SOX5: variants seen among roughly 807,000 people sequenced by gnomAD.
The protein encoded by SOX5 is SRY-box transcription factor 5, also known as transcription factor SOX-5.
SOX5 carries 9 observed loss-of-function variants against 92.0 expected under a neutral mutation model. The observed-to-expected ratio is 0.10, with a 90% confidence interval of 0.06 to 0.17. The LOEUF (loss-of-function observed/expected upper bound fraction) is 0.17, where lower values mean the gene tolerates loss of function less well. SOX5 is among the 10% of genes least tolerant of loss of function. The pLI is 1.00. For synonymous variants in SOX5, 344 were observed against 336.3 expected (o/e 1.02, Z -0.25); for missense variants, 642 against 944.5 (o/e 0.68, Z 4.20).
At chr12:24,419,720 G>A (rs1965617648) in intron 1 of SOX5, among the ~76,000 whole-genome samples, 2 of 152,144 alleles carry the variant, frequency 1.3e-5, no homozygotes, top group South Asian at 4.1e-4. Context: ...TTTAACCACA[G>A]AATGTATACA....
At chr12:23,895,208 C>CA (rs33970684) in intron 2 of SOX5, among the ~76,000 whole-genome samples, 6,615 of 90,540 alleles carry the variant, frequency 0.073, 483 homozygotes, top group African/African-American at 0.19. Context: ...GAATAGGATG[C>CA]AAAAAAAAAA....
chr12:24,002,749 G>C (rs1951734537), intron 4 of SOX5, among the ~76,000 whole-genome samples: 1 of 152,012 alleles, frequency 6.6e-6, no homozygotes, highest in Non-Finnish European at 1.5e-5. Flanking sequence ...TTATCATTTA[G>C]AGAGGAAACA....
Position 23,835,897 on chromosome 12 carries a change from T to C in SOX5, c.481+10086A>G, listed in dbSNP as rs557270795. Among the ~76,000 whole-genome samples the C allele has an allele frequency of 9.9e-5, 15 of 151,846 alleles. No individual in the cohort carries two copies. The South Asian group carries it at 2.7e-3, about 27-fold the overall frequency. Reference sequence around the variant, plus strand: ...CAGTTGCCTCATCTGGAAATGGAGATAATAGGAATGAGGATATTGAGATCA... The same window carrying C: ...CAGTTGCCTCATCTGGAAATGGAGACAATAGGAATGAGGATATTGAGATCA... On this transcript the variant is annotated intron_variant, in intron 3 of 14. Coordinates refer to ENST00000451604, the MANE Select transcript of SOX5 (RefSeq NM_006940.6).
intron 3 of SOX5, among the ~76,000 whole-genome samples, chr12:23,792,877 T>C (rs2095501855): frequency 6.6e-6 from 1 of 152,120 alleles, no homozygotes; most frequent in African/African-American, 2.4e-5. Context: ...AATCAGTGAC[T>C]AGTTGAAGAC....
intron 1 of SOX5, among the ~76,000 whole-genome samples, chr12:24,375,702 C>A (rs867914939): frequency 6.8e-6 from 1 of 146,836 alleles, no homozygotes. Context: ...CGCCATTGCA[C>A]TCCAGCCTAG....
chr12:23,807,913 G>A (rs904414925), intron 3 of SOX5, among the ~76,000 whole-genome samples: 3 of 152,058 alleles, frequency 2.0e-5, no homozygotes, highest in South Asian at 2.1e-4. Context: ...CTCACAAAGC[G>A]TTGGGATTAC....
rs1307392236 is a variant in SOX5 at position 24,360,864 on chromosome 12, T to C, written c.-174+7699A>G. On this transcript the variant is annotated intron_variant, in intron 2 of 4. Transcript: ENST00000446891. ...CTAACTACTGATTATTGTTTATACA[T>C]TTATCAAAACCAAAATGATAAAGTG... Among the ~76,000 whole-genome samples the C allele has an allele frequency of 2.6e-5, 4 of 152,206 alleles. No individual in the cohort carries two copies. In the East Asian group the frequency reaches 7.7e-4, roughly 29 times the overall value.
At chr12:23,918,456 TTAAC>T (rs2097442148) in intron 1 of SOX5, among the ~76,000 whole-genome samples, 1 of 152,206 alleles carries the variant, frequency 6.6e-6, no homozygotes, top group African/African-American at 2.4e-5. Context: ...TATTTTAGGA[TTAAC>T]TAAAAATGAG....
intron 2 of SOX5, among the ~76,000 whole-genome samples, chr12:24,330,710 G>T (rs61909952): frequency 0.067 from 10,244 of 152,266 alleles, 489 homozygotes; most frequent in South Asian, 0.14. Context: ...GACATGACAA[G>T]CATATGTTTT....
At chr12:23,664,136 T>A (rs2083447937) in intron 7 of SOX5, among the ~76,000 whole-genome samples, 1 of 152,136 alleles carries the variant, frequency 6.6e-6, no homozygotes, top group South Asian at 2.1e-4. Context: ...TACAACCCAT[T>A]TCTTCAATAC....
intron 4 of SOX5, among the ~76,000 whole-genome samples, chr12:24,157,176 G>A (rs546965884): frequency 2.6e-5 from 4 of 151,794 alleles, no homozygotes; most frequent in Admixed American, 6.6e-5. Context: ...CTATGGTATC[G>A]TGGCATTCCT....
intron 4 of SOX5, among the ~76,000 whole-genome samples, chr12:24,050,679 A>C (rs771472436): frequency 5.3e-5 from 8 of 152,206 alleles, no homozygotes; most frequent in Admixed American, 3.9e-4. Flanking sequence ...TTATGTATGC[A>C]TGCCTGCTCA....
chr12:24,406,859 AAATT>A (rs1596347746), intron 1 of SOX5, among the ~76,000 whole-genome samples: 1 of 152,228 alleles, frequency 6.6e-6, no homozygotes, highest in African/African-American at 2.4e-5. Flanking sequence ...GATGAAAAAT[AAATT>A]GTGTTTTGAT....
At chr12:24,392,694 A>G (rs953711540) in intron 1 of SOX5, among the ~76,000 whole-genome samples, 2 of 152,018 alleles carry the variant, frequency 1.3e-5, no homozygotes, top group Non-Finnish European at 2.9e-5. Flanking sequence ...CTAGAACCCA[A>G]ACGCTTTGAG....
At chr12:23,641,608 A>C (rs2138748105) in intron 7 of SOX5, among the ~76,000 whole-genome samples, 1 of 152,286 alleles carries the variant, frequency 6.6e-6, no homozygotes, top group African/African-American at 2.4e-5. Flanking sequence ...ATATAGGCAC[A>C]CACAAAAACA....
At chr12:24,538,495 C>T (rs1171901460) in intron 1 of SOX5, among the ~76,000 whole-genome samples, 1 of 151,992 alleles carries the variant, frequency 6.6e-6, no homozygotes, top group Non-Finnish European at 1.5e-5. Flanking sequence ...GCTATGTTCG[C>T]CGGTCAGATC....
intron 1 of SOX5, among the ~76,000 whole-genome samples, chr12:23,903,854 A>G (rs1250357409): frequency 6.6e-6 from 1 of 152,240 alleles, no homozygotes; most frequent in Admixed American, 6.5e-5. Context: ...TTGTTTCACA[A>G]TAGAATGTTA....
chr12:24,405,737 T>C (rs1001609990), intron 1 of SOX5, among the ~76,000 whole-genome samples: 2 of 152,156 alleles, frequency 1.3e-5, no homozygotes, highest in Non-Finnish European at 2.9e-5. Context: ...CTGAGGTACC[T>C]TCCTGAAACA....
chr12:23,747,452 C>T (rs1270353478), intron 4 of SOX5, among the ~76,000 whole-genome samples: 1 of 152,126 alleles, frequency 6.6e-6, no homozygotes, highest in African/African-American at 2.4e-5. Context: ...GAATAAAATG[C>T]AAACTCCTAC....
Sources: allele counts gnomAD v4.1 joint callset (sites outside exome capture counted in the v4.1 genomes callset), GRCh38; gene constraint gnomAD v4.1.1; transcripts MANE v1.5; gene names NCBI Gene and HGNC (gene_info 2026-07-23, HGNC 2026-07-21).